The following ARHGAP15 variants were observed in gnomAD, a reference collection of about 807,000 sequenced individuals.
The protein encoded by ARHGAP15 is rho GTPase-activating protein 15.
ARHGAP15 carries 51 observed loss-of-function variants against 63.7 expected under a neutral mutation model. The observed-to-expected ratio is 0.80, with a 90% CI of 0.64 to 1.01. The LOEUF (loss-of-function observed/expected upper bound fraction) is 1.01. Among genes scored for constraint, ARHGAP15 ranks in the 50% least tolerant of loss-of-function variants. The pLI, the probability that ARHGAP15 is intolerant of heterozygous loss-of-function variation, is 0.00. For synonymous variants in ARHGAP15, 191 were observed against 193.8 expected, an observed-to-expected ratio of 0.99 and a Z score of 0.12; for missense variants, 560 against 564.6, an observed-to-expected ratio of 0.99 and a Z score of 0.08.
intron 6 of ARHGAP15, among the ~76,000 whole-genome samples, chr2:143,422,255 G>C (rs1688955752): frequency 6.6e-6 from 1 of 152,088 alleles, no homozygotes; most frequent in Non-Finnish European, 1.5e-5. Context: ...CAGGATACTA[G>C]AGAATGATAA....
intron 11 of ARHGAP15, among the ~76,000 whole-genome samples, chr2:143,582,452 C>T (rs1415655069): frequency 6.6e-6 from 1 of 152,156 alleles, no homozygotes; most frequent in East Asian, 1.9e-4. Context: ...TCAACTCACT[C>T]TGTGGGGCAA....
At chr2:143,601,086 C>T (rs6430038) in intron 11 of ARHGAP15, among the ~76,000 whole-genome samples, 42,412 of 151,896 alleles carry the variant, frequency 0.28, 6,591 homozygotes, top group African/African-American at 0.42. Context: ...ACATGGATGG[C>T]GGTAGAAGTC....
At chr2:143,229,485 G>A (rs1198924426) in intron 5 of ARHGAP15, among the ~76,000 whole-genome samples, 3 of 152,108 alleles carry the variant, frequency 2.0e-5, no homozygotes, top group Admixed American at 2.0e-4. Flanking sequence ...AGTTACTGGG[G>A]CAATTCAAGC....
intron 6 of ARHGAP15, among the ~76,000 whole-genome samples, chr2:143,357,069 A>G (rs908217803): frequency 1.3e-5 from 2 of 152,144 alleles, no homozygotes; most frequent in African/African-American, 4.8e-5. Context: ...TTTCATCACC[A>G]CACCTGAATA....
At chr2:143,173,441 A>G (rs1690880394) in intron 2 of ARHGAP15, among the ~76,000 whole-genome samples, 1 of 152,122 alleles carries the variant, frequency 6.6e-6, no homozygotes, top group Non-Finnish European at 1.5e-5. Context: ...AAACATATCA[A>G]TCCTGGTTCA....
At chr2:143,330,055 A>ACAC (rs971123066) in intron 6 of ARHGAP15, among the ~76,000 whole-genome samples, 14 of 130,972 alleles carry the variant, frequency 1.1e-4, no homozygotes, top group Non-Finnish European at 1.7e-4. Context: ...TTGCACCACT[A>ACAC]CACTCCAGCA....
chr2:143,351,978 T>A (rs969862751), intron 6 of ARHGAP15, among the ~76,000 whole-genome samples: 2 of 152,338 alleles, frequency 1.3e-5, no homozygotes, highest in South Asian at 4.1e-4. Flanking sequence ...GTGGATTTCC[T>A]AGATACCATT....
At chr2:143,514,738 G>C (rs548677529) in intron 9 of ARHGAP15, among the ~76,000 whole-genome samples, 1 of 152,178 alleles carries the variant, frequency 6.6e-6, no homozygotes, top group African/African-American at 2.4e-5. Flanking sequence ...GACTGGACTT[G>C]TCTCTTCACT....
chr2:143,712,333 A>G (rs971438288), intron 13 of ARHGAP15, among the ~76,000 whole-genome samples: 10 of 152,256 alleles, frequency 6.6e-5, no homozygotes, highest in Non-Finnish European at 1.3e-4. Flanking sequence ...GAGGCATGAA[A>G]AAAGCAGAAA....
At chr2:143,287,367 G>A (rs1353617861) in intron 6 of ARHGAP15, among the ~76,000 whole-genome samples, 3 of 151,854 alleles carry the variant, frequency 2.0e-5, no homozygotes, top group Non-Finnish European at 2.9e-5. Context: ...TCTTCTGCTC[G>A]GTTTCACTGT....
chr2:143,569,127 C>T (rs759258792), intron 11 of ARHGAP15, among the ~76,000 whole-genome samples: 12 of 151,718 alleles, frequency 7.9e-5, no homozygotes, highest in Non-Finnish European at 1.3e-4. Flanking sequence ...CAAGCCTGCA[C>T]GTTGTGCACA....
At chr2:143,634,362 G>C (rs899449136) in intron 12 of ARHGAP15, among the ~76,000 whole-genome samples, 2 of 152,022 alleles carry the variant, frequency 1.3e-5, no homozygotes, top group African/African-American at 2.4e-5. Flanking sequence ...TTACTATCTA[G>C]ACCTAGAGCA....
chr2:143,295,783 G>A (rs1268191741), intron 6 of ARHGAP15: 2 of 151,968 alleles, frequency 1.3e-5, no homozygotes, highest in Non-Finnish European at 2.9e-5. Flanking sequence ...TTAATTCTAT[G>A]TAACCATCTG....
At chr2:143,519,549 A>AAAAACAAAAAAGAAC in intron 10 of ARHGAP15, 185 bp downstream of exon 10, 1 of 449,212 alleles carries the variant, frequency 2.2e-6, no homozygotes, top group Non-Finnish European at 4.1e-6. Context: ...GGACATTAGT[A>AAAAACAAAAAAGAAC]ATTCTCACTA....
chr2:143,640,000 T>C (rs1449722355), intron 12 of ARHGAP15, among the ~76,000 whole-genome samples: 1 of 152,154 alleles, frequency 6.6e-6, no homozygotes, highest in East Asian at 1.9e-4. Context: ...CTTGTATGTT[T>C]GTGACTCCTT....
chr2:143,685,779 C>A (rs1165899758), intron 12 of ARHGAP15, among the ~76,000 whole-genome samples: 2 of 152,124 alleles, frequency 1.3e-5, no homozygotes, highest in Non-Finnish European at 2.9e-5. Flanking sequence ...TTTCTTAAAG[C>A]CCACTTAATG....
In ARHGAP15 at chr2:143,750,341, T is replaced by C. The variant is rs374490093; in HGVS notation, c.1245-17648T>C. ...CTATAATCCCAGCCACTCAGGAGGC[T>C]AAGGCAGGAGAACTGCTTGAACCAG... On this transcript the variant is annotated intron_variant, in intron 13 of 13. Transcript: ENST00000295095. 4.6e-5 allele frequency among the ~76,000 whole-genome samples: 7 copies of C among 152,094 alleles called. No individual in the cohort carries two copies. In the East Asian group the frequency reaches 1.2e-3, roughly 25 times the overall value.
At chr2:143,733,977 TTC>T (rs1207239572) in intron 13 of ARHGAP15, among the ~76,000 whole-genome samples, 15 of 152,352 alleles carry the variant, frequency 9.8e-5, no homozygotes, top group South Asian at 2.1e-4. Context: ...TTTAAGAAAT[TTC>T]TCTTTTATCT....
At chr2:143,347,689 G>T (rs949148583) in intron 6 of ARHGAP15, among the ~76,000 whole-genome samples, 8 of 151,990 alleles carry the variant, frequency 5.3e-5, no homozygotes, top group African/African-American at 1.9e-4. Flanking sequence ...TGGATGTTGC[G>T]TTAGGAATGT....
Sources: gnomAD v4.1 joint callset for allele counts (sites outside exome capture counted in the v4.1 genomes callset) on GRCh38, gnomAD v4.1.1 for gene constraint, MANE v1.5 for transcripts, NCBI Gene and HGNC (gene_info 2026-07-23, HGNC 2026-07-21) for gene names.